DHX9: variants seen among roughly 807,000 people sequenced by gnomAD.
DHX9 encodes DExH-box helicase 9, also known as ATP-dependent RNA helicase A.
Under a neutral mutation model 148.7 loss-of-function variants are expected in DHX9, and 27 were observed. That is an observed-to-expected ratio of 0.18 (90% CI 0.13 to 0.25). DHX9 has a LOEUF of 0.25. Ranked by LOEUF, DHX9 falls within the 10% of genes least tolerant of loss-of-function variation. The pLI, the probability that DHX9 is intolerant of heterozygous loss-of-function variation, is 1.00. For missense variants in DHX9, 796 were observed against 1,559.6 expected (o/e 0.51, Z 8.25); for synonymous variants, 529 against 516.6 (o/e 1.02, Z -0.33).
intron 6 of DHX9, 61 bp downstream of exon 6, chr1:182,854,239 T>G (rs1330409765): frequency 5.8e-5 from 82 of 1,417,894 alleles, no homozygotes; most frequent in Non-Finnish European, 7.2e-5. Flanking sequence ...ATATTCACTG[T>G]TGAATATAAT....
chr1:182,865,899 AGATT>A (rs1173123613), intron 12 of DHX9, among the ~76,000 whole-genome samples: 3 of 151,786 alleles, frequency 2.0e-5, no homozygotes, highest in Non-Finnish European at 4.4e-5. Flanking sequence ...AGAGTTTTGC[AGATT>A]GATTGTTGGA....
Position 182,878,096 on chromosome 1 carries a change from T to C in DHX9, c.2274T>C (p.Leu758=). 6.2e-7 allele frequency: 1 copy of C among 1,614,228 alleles called. No homozygotes were observed. The highest frequency in any genetic ancestry group is 1.1e-5 in the South Asian group (1 of 91,084). Residue 758 remains leucine, a synonymous_variant, in exon 20 of 28, where the codon CTT becomes CTC. Coordinates refer to ENST00000367549, the MANE Select transcript of DHX9 (RefSeq NM_001357.5). ...YATVWASKTN[L]EQRKGRAGRV... is the part of the protein sequence containing the mutation. ...CCGTATGGGCATCAAAAACAAACCTTGAGCAACGGAAAGGGCGAGCTGGCC... is the reference window on the plus strand; with the variant it reads ...CCGTATGGGCATCAAAAACAAACCTCGAGCAACGGAAAGGGCGAGCTGGCC...
chr1:182,848,318 A>G (rs1196789182), intron 3 of DHX9, among the ~76,000 whole-genome samples: 2 of 152,226 alleles, frequency 1.3e-5, no homozygotes, highest in Non-Finnish European at 2.9e-5. Flanking sequence ...TTGTAACTCG[A>G]GGAGGCCACT....
rs111437580 is a variant in DHX9 at position 182,859,932 on chromosome 1, A to G, written c.1141-61A>G. ...AGAGATGGAAGTTTTTTAAAGGATC[A>G]AGACAGTTGCTTCTAATGTGTTGGT... On this transcript the variant is annotated intron_variant, in intron 11 of 27. Transcript: ENST00000367549. 5.9e-5 allele frequency: 90 copies of G among 1,524,328 alleles called. No individual in the cohort carries two copies. The African/African-American group carries it at 9.8e-4, about 17-fold the overall frequency. The allele number at this position is 1,524,328 out of a possible 1,614,324, so 94.4% of individuals were successfully genotyped here.
intron 1 of DHX9, among the ~76,000 whole-genome samples, chr1:182,841,911 C>T (rs1179218990): frequency 6.6e-6 from 1 of 152,064 alleles, no homozygotes; most frequent in Non-Finnish European, 1.5e-5. Flanking sequence ...AATAGGTTAC[C>T]GTCTTCAGTA....
At position 182,879,245 on chromosome 1, in the gene DHX9, C is replaced by G. The variant is rs758809198; in HGVS notation, c.2352-5C>G. 6.9e-7 allele frequency: 1 copy of G among 1,448,966 alleles called. No homozygotes were observed. The highest frequency in any genetic ancestry group is 1.4e-5 in the African/African-American group (1 of 71,458). 89.8% of individuals were successfully genotyped at this position (1,448,966 alleles called of 1,614,324 possible). A position where few individuals can be genotyped will look rare whatever the true frequency, so the allele number is the denominator to read the frequency against. ...GATGGTTATTTTATGCTTATTTTCT[C>G]TTAGACTTGAAACCCACATGACACC... is the stretch of plus-strand genomic sequence containing the variant. On this transcript the variant is annotated splice_region_variant and splice_polypyrimidine_tract_variant and intron_variant, in intron 20 of 27. Transcript: ENST00000367549.
intron 7 of DHX9, 59 bp from the exon 8 acceptor site, chr1:182,858,045 A>C: frequency 6.4e-7 from 1 of 1,551,320 alleles, no homozygotes; most frequent in Non-Finnish European, 8.7e-7. Context: ...TCTTGTGATA[A>C]GATGTTTCTT....
In DHX9 at chr1:182,876,818, CT is replaced by C; in HGVS notation, c.2125-9del. 1 of 1,601,368 alleles carries C rather than the reference CT, an allele frequency of 6.2e-7. No individual in the cohort carries two copies. Among genetic ancestry groups the C allele is most frequent in the South Asian group, 1.1e-5 (1 of 89,794 alleles). ...GAATATTTTCTGGAGTGTAATTTTT[CT>C]TTCTTCACAGGTTATTTTGTCCACA... On this transcript the variant is annotated splice_polypyrimidine_tract_variant and intron_variant, in intron 18 of 27. Coordinates refer to ENST00000367549, the MANE Select transcript of DHX9 (RefSeq NM_001357.5).
chr1:182,864,281 A>C (rs947475532), intron 12 of DHX9, among the ~76,000 whole-genome samples: 1 of 152,122 alleles, frequency 6.6e-6, no homozygotes, highest in Non-Finnish European at 1.5e-5. Flanking sequence ...ATGGTGTCTC[A>C]CTGTGTTGCC....
intron 7 of DHX9, among the ~76,000 whole-genome samples, chr1:182,856,871 A>G (rs1012114507): frequency 6.6e-6 from 1 of 152,086 alleles, no homozygotes; most frequent in Non-Finnish European, 1.5e-5. Context: ...GTTTTTTGAG[A>G]CGGAGTCTTG....
chr1:182,844,337 G>A (rs754651310), intron 3 of DHX9, among the ~76,000 whole-genome samples: 4 of 152,134 alleles, frequency 2.6e-5, no homozygotes, highest in Admixed American at 6.5e-5. Context: ...ATTATATTAC[G>A]TAAGTATGCA....
At chr1:182,868,511 T>TTCC (rs1648399692) in intron 14 of DHX9, among the ~76,000 whole-genome samples, 2 of 146,448 alleles carry the variant, frequency 1.4e-5, no homozygotes, top group African/African-American at 5.4e-5. Flanking sequence ...CTAACACTTA[T>TTCC]TTTAATTCCT....
intron 3 of DHX9, 58 bp from the exon 4 acceptor site, chr1:182,852,175 T>G: frequency 1.8e-6 from 2 of 1,092,050 alleles, no homozygotes; most frequent in East Asian, 4.8e-5. Flanking sequence ...TTAAAAGAAT[T>G]TACTAGTCCC....
At chr1:182,857,846 G>C (rs1205696792) in intron 7 of DHX9, among the ~76,000 whole-genome samples, 1 of 152,076 alleles carries the variant, frequency 6.6e-6, no homozygotes, top group Non-Finnish European at 1.5e-5. Context: ...GTTGAAATAG[G>C]TTATTTGCTT....
intron 7 of DHX9, among the ~76,000 whole-genome samples, 167 bp downstream of exon 7, chr1:182,856,745 G>A: frequency 6.6e-6 from 1 of 152,190 alleles, no homozygotes; most frequent in Non-Finnish European, 1.5e-5. Flanking sequence ...ATAAATTAGA[G>A]GCAAAGTCTC....
intron 14 of DHX9, among the ~76,000 whole-genome samples, chr1:182,868,361 A>T (rs10911151): frequency 0.04 from 6,072 of 152,154 alleles, 302 homozygotes; most frequent in African/African-American, 0.11. Context: ...GGGATTGGGA[A>T]TTTCCAAATT....
intron 13 of DHX9, 135 bp downstream of exon 13, chr1:182,866,720 T>C: frequency 1.7e-6 from 2 of 1,171,258 alleles, no homozygotes; most frequent in South Asian, 1.6e-5. Flanking sequence ...CTTTTGGCAG[T>C]TTTTTCCTTC....
At position 182,876,230 on chromosome 1, in the gene DHX9, A is replaced by C; in HGVS notation, c.1996A>C (p.Met666Leu). ...FLPGWNLIYT[M>L]QKHLEMNPHF... Reference sequence around the variant, plus strand: ...GCCTGGCTGGAATCTGATTTATACTATGCAGAAGCATTTGGAAATGAATCC... The same window carrying C: ...GCCTGGCTGGAATCTGATTTATACTCTGCAGAAGCATTTGGAAATGAATCC... The change falls in exon 17 of 28, where the codon ATG (methionine) becomes CTG (leucine). Residue 666 changes from methionine to leucine, a missense_variant. Physicochemically the swap from Met to Leu is conservative, Grantham distance 15. Transcript: ENST00000367549. The C allele has an allele frequency of 6.2e-7, 1 of 1,613,826 alleles. No individual in the cohort carries two copies. Among genetic ancestry groups the C allele is most frequent in the Non-Finnish European group, 8.5e-7 (1 of 1,179,832 alleles).
intron 1 of DHX9, among the ~76,000 whole-genome samples, chr1:182,840,541 G>C: frequency 6.6e-6 from 1 of 152,024 alleles, no homozygotes; most frequent in East Asian, 1.9e-4. Flanking sequence ...CTCGTGATCC[G>C]CCTGCCTTGG....
Sources: gnomAD v4.1 joint callset for allele counts (sites outside exome capture counted in the v4.1 genomes callset) on GRCh38, gnomAD v4.1.1 for gene constraint, MANE v1.5 for transcripts, NCBI Gene and HGNC (gene_info 2026-07-23, HGNC 2026-07-21) for gene names.